Variants in MTHFD1L observed in about 807,000 individuals in gnomAD.
MTHFD1L encodes the protein methylenetetrahydrofolate dehydrogenase (NADP+ dependent) 1 like, also known as monofunctional C1-tetrahydrofolate synthase, mitochondrial.
MTHFD1L carries 81 observed loss-of-function variants against 119.5 expected under a neutral mutation model. The observed-to-expected ratio is 0.68, with a 90% CI of 0.57 to 0.82. The LOEUF is 0.82. Among genes scored for constraint, MTHFD1L ranks in the 40% least tolerant of loss-of-function variants. MTHFD1L has a pLI of 0.00. For synonymous variants in MTHFD1L, 430 were observed against 475.2 expected (o/e 0.90, Z 1.24); for missense variants, 1,125 against 1,253.4 (o/e 0.90, Z 1.55).
At chr6:151,060,507 G>A (rs1331094084) in intron 26 of MTHFD1L, among the ~76,000 whole-genome samples, 1 of 152,196 alleles carries the variant, frequency 6.6e-6, no homozygotes, top group Non-Finnish European at 1.5e-5. Context: ...GGGACAGAGG[G>A]AGCCCCCTGC....
At chr6:151,100,933 C>G (rs544213292) in intron 27 of MTHFD1L, among the ~76,000 whole-genome samples, 1 of 151,952 alleles carries the variant, frequency 6.6e-6, no homozygotes, top group Non-Finnish European at 1.5e-5. Flanking sequence ...ACAAGGCAGG[C>G]GGATCACTTG....
chr6:151,043,567 G>C (rs1439206094), intron 26 of MTHFD1L, among the ~76,000 whole-genome samples: 1 of 152,122 alleles, frequency 6.6e-6, no homozygotes, highest in East Asian at 1.9e-4. Context: ...TTTCATAACA[G>C]TTGGCCTGGA....
At chr6:151,088,658 A>G (rs1445270009) in intron 26 of MTHFD1L, among the ~76,000 whole-genome samples, 2 of 141,844 alleles carry the variant, frequency 1.4e-5, no homozygotes, top group Non-Finnish European at 3.0e-5. Context: ...TGTAGAAGAG[A>G]CAGAGTTTCG....
chr6:150,878,894 G>C (rs2128748383), intron 4 of MTHFD1L, among the ~76,000 whole-genome samples: 1 of 152,266 alleles, frequency 6.6e-6, no homozygotes, highest in Admixed American at 6.5e-5. Flanking sequence ...CAGGATCACA[G>C]GGCTCAGGTA....
intron 7 of MTHFD1L, among the ~76,000 whole-genome samples, chr6:150,895,101 C>T (rs946258649): frequency 2.0e-5 from 3 of 152,186 alleles, no homozygotes; most frequent in African/African-American, 7.2e-5. Flanking sequence ...TAGGGAACCC[C>T]CCGCCTTTCC....
rs1183328117 is a variant in MTHFD1L at position 151,013,809 on chromosome 6, T to C, written c.2296T>C (p.Tyr766His). ...VTAGVPLKKE[Y>H]TEENIQLVAD... is the part of the protein sequence containing the mutation. ...GGCTGGTGTTCCTCTTAAGAAAGAA[T>C]ATACAGAGGAGGTAAGAGGAGCTGT... is the stretch of plus-strand genomic sequence containing the variant. The change falls in exon 22 of 28, where the codon TAT (tyrosine) becomes CAT (histidine). Residue 766 changes from tyrosine to histidine, a missense_variant. Physicochemically the swap from Tyr to His is moderately conservative, Grantham distance 83. Coordinates refer to ENST00000367321, the MANE Select transcript of MTHFD1L (RefSeq NM_015440.5). The C allele has an allele frequency of 6.2e-7, 1 of 1,612,438 alleles. No homozygotes were observed. The highest frequency in any genetic ancestry group is 8.5e-7 in the Non-Finnish European group (1 of 1,178,864).
chr6:151,049,338 A>G (rs562754351), intron 26 of MTHFD1L, among the ~76,000 whole-genome samples: 17 of 152,102 alleles, frequency 1.1e-4, no homozygotes, highest in Non-Finnish European at 1.3e-4. Flanking sequence ...AAAAATACAA[A>G]AAAATTAGCC....
intron 1 of MTHFD1L, among the ~76,000 whole-genome samples, chr6:150,873,945 A>G (rs902946611): frequency 2.6e-5 from 4 of 152,166 alleles, no homozygotes; most frequent in Non-Finnish European, 4.4e-5. Context: ...TACTGGGATT[A>G]TAGGTGTGAG....
At chr6:151,003,973 C>T (rs1781002546) in intron 20 of MTHFD1L, among the ~76,000 whole-genome samples, 1 of 147,476 alleles carries the variant, frequency 6.8e-6, no homozygotes, top group Admixed American at 6.8e-5. Flanking sequence ...TTTTAAAGGG[C>T]CTTCTAATGA....
At chr6:150,882,924 A>C in intron 5 of MTHFD1L, 38 bp downstream of exon 5, 2 of 1,529,482 alleles carry the variant, frequency 1.3e-6, no homozygotes, top group Non-Finnish European at 1.7e-6. Context: ...CTTTATGGCT[A>C]AATCACTTTT....
chr6:151,003,339 C>T (rs953618464), intron 20 of MTHFD1L, among the ~76,000 whole-genome samples: 1 of 152,104 alleles, frequency 6.6e-6, no homozygotes. Flanking sequence ...CGAGACCAGC[C>T]CGACCAACAT....
At chr6:150,949,658 T>C (rs1459980565) in intron 16 of MTHFD1L, among the ~76,000 whole-genome samples, 2 of 151,928 alleles carry the variant, frequency 1.3e-5, no homozygotes, top group African/African-American at 4.8e-5. Context: ...CCAGGTGGAG[T>C]CCCCGTGAGC....
chr6:150,876,057 G>T, intron 1 of MTHFD1L, 33 bp from the exon 2 acceptor site: 3 of 1,517,084 alleles, frequency 2.0e-6, no homozygotes, highest in Non-Finnish European at 2.7e-6. Flanking sequence ...CATTAACCAA[G>T]AAATCACAAT....
At chr6:151,086,521 GT>G (rs1406006071) in intron 26 of MTHFD1L, among the ~76,000 whole-genome samples, 2 of 152,010 alleles carry the variant, frequency 1.3e-5, no homozygotes, top group Non-Finnish European at 2.9e-5. Flanking sequence ...TTACTCATCT[GT>G]TTTTTTAAAT....
chr6:150,913,144 A>G (rs540315278), intron 8 of MTHFD1L, among the ~76,000 whole-genome samples: 1 of 151,572 alleles, frequency 6.6e-6, no homozygotes, highest in East Asian at 1.9e-4. Context: ...GGGACTACAG[A>G]CATATGCCAC....
intron 11 of MTHFD1L, among the ~76,000 whole-genome samples, chr6:150,932,913 A>G (rs1481024535): frequency 6.6e-6 from 1 of 151,962 alleles, no homozygotes; most frequent in East Asian, 1.9e-4. Flanking sequence ...AGAAAGAAAG[A>G]GAAATTAGAT....
chr6:151,001,070 T>C (rs1055455357), intron 20 of MTHFD1L, among the ~76,000 whole-genome samples: 6 of 152,232 alleles, frequency 3.9e-5, no homozygotes, highest in Non-Finnish European at 4.4e-5. Flanking sequence ...TTAACCTATT[T>C]TGAGCTGAGC....
At chr6:151,053,454 A>G (rs188976950) in intron 26 of MTHFD1L, among the ~76,000 whole-genome samples, 15 of 152,338 alleles carry the variant, frequency 9.8e-5, no homozygotes, top group East Asian at 5.8e-4. Context: ...CTTATAGGTC[A>G]GGTCTCCTAG....
chr6:151,011,371 T>C (rs1288872938), intron 21 of MTHFD1L, among the ~76,000 whole-genome samples: 1 of 151,228 alleles, frequency 6.6e-6, no homozygotes, highest in Admixed American at 6.6e-5. Context: ...TCTCCCTCCC[T>C]GCCCTGCCAC....
Sources: allele counts gnomAD v4.1 joint callset (sites outside exome capture counted in the v4.1 genomes callset), GRCh38; gene constraint gnomAD v4.1.1; transcripts MANE v1.5; gene names NCBI Gene and HGNC (gene_info 2026-07-23, HGNC 2026-07-21).